Variants in HFM1 observed in about 807,000 individuals in gnomAD.
HFM1 encodes the protein helicase for meiosis 1.
HFM1 carries 169 observed loss-of-function variants against 192.1 expected under a neutral mutation model. That is an observed-to-expected ratio of 0.88 (90% CI 0.78 to 1.00). The LOEUF (loss-of-function observed/expected upper bound fraction) is 1.00, where lower values mean the gene tolerates loss of function less well. Among genes scored for constraint, HFM1 ranks in the 50% least tolerant of loss-of-function variants. The pLI is 0.00. For synonymous variants in HFM1, 525 were observed against 537.8 expected (o/e 0.98, Z 0.33); for missense variants, 1,661 against 1,668.0 (o/e 1.00, Z 0.07).
At position 91,325,020 on chromosome 1, in the gene HFM1, G is replaced by A. The variant is rs575087713; in HGVS notation, c.2336-254C>T. 1.8e-4 allele frequency among the ~76,000 whole-genome samples: 28 copies of A among 152,270 alleles called. 1 individual carries two copies. In the South Asian group the frequency reaches 5.8e-3, roughly 32 times the overall value. On this transcript the variant is annotated intron_variant, in intron 20 of 38. Coordinates refer to ENST00000370425, the MANE Select transcript of HFM1 (RefSeq NM_001017975.6). ...CAGGTACCAGCTTGGCCATGGCTGG[G>A]TAGAGCAACAAGGAGGCTCTTGGGG...
At position 91,264,556 on chromosome 1, in the gene HFM1, G is replaced by A. The variant is rs1665548794; in HGVS notation, c.3974+1461C>T. On this transcript the variant is annotated intron_variant, in intron 36 of 38. Coordinates refer to ENST00000370425, the MANE Select transcript of HFM1 (RefSeq NM_001017975.6). ...CCCGGCTAATTTTTTTGTATTTTTA[G>A]TAGAGACGGGGTTTCACCGTGTTAG... 2.0e-5 allele frequency among the ~76,000 whole-genome samples: 3 copies of A among 149,298 alleles called. No homozygotes were observed. The South Asian group carries it at 6.5e-4, about 32-fold the overall frequency.
intron 2 of HFM1, among the ~76,000 whole-genome samples, chr1:91,400,486 T>A (rs1664181031): frequency 6.6e-6 from 1 of 152,144 alleles, no homozygotes; most frequent in Admixed American, 6.5e-5. Flanking sequence ...GAATCTTTTT[T>A]TTTTTTTTTT....
intron 19 of HFM1, among the ~76,000 whole-genome samples, chr1:91,345,402 T>C (rs553857738): frequency 6.6e-6 from 1 of 152,268 alleles, no homozygotes; most frequent in South Asian, 2.1e-4. Flanking sequence ...GAGATGTAGT[T>C]AGAGAAATAG....
At chr1:91,329,428 C>T in intron 20 of HFM1, 1 of 1,572,106 alleles carries the variant, frequency 6.4e-7, no homozygotes, top group Non-Finnish European at 8.7e-7. Context: ...GGCTCACTCT[C>T]TTCAGCTAAG....
intron 4 of HFM1, among the ~76,000 whole-genome samples, chr1:91,392,838 C>T (rs1663179445): frequency 1.3e-5 from 2 of 151,946 alleles, no homozygotes; most frequent in South Asian, 2.1e-4. Context: ...TATAATTGCA[C>T]TTATATGAAA....
rs1036542678 is a variant in HFM1, at chr1:91,276,609, A to G, written c.3588+19T>C. ...ACGTTTAACTACAGAACAATGGGAA[A>G]AATGTTATTAAAACTAACCTTCAGA... is the stretch of plus-strand genomic sequence containing the variant. On this transcript the variant is annotated intron_variant, in intron 32 of 38. Transcript: ENST00000370425. 1.6e-6 allele frequency: 2 copies of G among 1,218,776 alleles called. No homozygotes were observed. Among genetic ancestry groups the G allele is most frequent in the African/African-American group, 3.1e-5 (2 of 64,762 alleles). The allele number at this position is 1,218,776 out of a possible 1,614,324, so 75.5% of individuals were successfully genotyped here. A position where few individuals can be genotyped will look rare whatever the true frequency, so the allele number is the denominator to read the frequency against.
At chr1:91,378,231 C>T (rs1429658366) in intron 10 of HFM1, 48 bp from the exon 11 acceptor site, 12 of 1,378,150 alleles carry the variant, frequency 8.7e-6, no homozygotes, top group Admixed American at 2.3e-5. Context: ...ATTAAAAATA[C>T]ATTTAATCAA....
intron 18 of HFM1, among the ~76,000 whole-genome samples, chr1:91,349,354 G>A (rs147060966): frequency 4.7e-4 from 71 of 151,834 alleles, no homozygotes; most frequent in African/African-American, 1.6e-3. Flanking sequence ...AATCCCTCTC[G>A]CCTTCATGTG....
chr1:91,405,973 C>T (rs180843111), upstream of HFM1, among the ~76,000 whole-genome samples: 8 of 152,270 alleles, frequency 5.3e-5, no homozygotes, highest in Non-Finnish European at 2.9e-5. Flanking sequence ...ATAGTGAACC[C>T]CTCAATGTGT....
intron 4 of HFM1, among the ~76,000 whole-genome samples, chr1:91,390,733 T>C (rs282017): frequency 0.47 from 70,822 of 151,846 alleles, 17,331 homozygotes; most frequent in African/African-American, 0.63. Flanking sequence ...CTATTCAACA[T>C]AGTGTTGGAA....
intron 30 of HFM1, among the ~76,000 whole-genome samples, chr1:91,281,603 A>G (rs1431182286): frequency 6.6e-6 from 1 of 152,242 alleles, no homozygotes; most frequent in Non-Finnish European, 1.5e-5. Context: ...GAAAGGATGT[A>G]TAAGAATAAA....
chr1:91,323,248 CCT>C, intron 21 of HFM1, 49 bp from the exon 22 acceptor site: 1 of 951,692 alleles, frequency 1.1e-6, no homozygotes, highest in Non-Finnish European at 1.6e-6. Flanking sequence ...TTTTTTATTT[CCT>C]CTCATCCTTT....
chr1:91,329,244 G>T, intron 20 of HFM1: 5 of 1,609,782 alleles, frequency 3.1e-6, no homozygotes, highest in Non-Finnish European at 4.2e-6. Context: ...TGAGGTGCTG[G>T]GCCCAGAGTC....
At chr1:91,364,027 T>C (rs192958842) in intron 13 of HFM1, among the ~76,000 whole-genome samples, 3 of 151,726 alleles carry the variant, frequency 2.0e-5, no homozygotes, top group East Asian at 1.9e-4. Context: ...TTGGGACCTG[T>C]TGGGGAGGTT....
At position 91,311,024 on chromosome 1, in the gene HFM1, C is replaced by T. The variant is rs112754676; in HGVS notation, c.3391+2325G>A. 2.3e-3 allele frequency among the ~76,000 whole-genome samples: 355 copies of T among 152,244 alleles called. 1 individual carries two copies. The highest frequency in any genetic ancestry group is 8.0e-3 in the African/African-American group (334 of 41,554). ...ACAGTTTGGAGAGCTCAGAGGAAGA[C>T]AGGAAAATGTAGGAAAGTTTGGAAC... is the stretch of plus-strand genomic sequence containing the variant. On this transcript the variant is annotated intron_variant, in intron 30 of 38. Transcript: ENST00000370425.
intron 20 of HFM1, among the ~76,000 whole-genome samples, chr1:91,332,008 T>C (rs764498009): frequency 1.2e-4 from 18 of 152,252 alleles, no homozygotes; most frequent in Non-Finnish European, 2.2e-4. Flanking sequence ...AAAATCAATA[T>C]TATTAAAATT....
chr1:91,313,546 CAT>C (rs765556939), intron 29 of HFM1, 51 bp from the exon 30 acceptor site: 12 of 1,220,952 alleles, frequency 9.8e-6, no homozygotes, highest in African/African-American at 7.6e-5. Flanking sequence ...TATAAATCCA[CAT>C]ATGAGAACAC....
chr1:91,401,374 G>A (rs942006018), intron 1 of HFM1, among the ~76,000 whole-genome samples: 21 of 152,098 alleles, frequency 1.4e-4, no homozygotes, highest in Admixed American at 1.4e-3. Context: ...TCTCCAACTG[G>A]CAAATTCCTA....
At position 91,352,503 on chromosome 1, in the gene HFM1, T is replaced by C; in HGVS notation, c.1977+3A>G. ...TATAAAAAGCAAAGTTATTGTCACT[T>C]ACTTGAGGTCGACCAGCTCTACCAA... On this transcript the variant is annotated splice_donor_region_variant and intron_variant, in intron 16 of 38. Transcript: ENST00000370425. 3 of 1,566,884 alleles carry C rather than the reference T, an allele frequency of 1.9e-6. No individual in the cohort carries two copies. In the South Asian group the frequency reaches 3.8e-5, roughly 20 times the overall value.
Sources: allele counts gnomAD v4.1 joint callset (sites outside exome capture counted in the v4.1 genomes callset), GRCh38; gene constraint gnomAD v4.1.1; transcripts MANE v1.5; gene names NCBI Gene and HGNC (gene_info 2026-07-23, HGNC 2026-07-21).